UGGT2: variants seen among roughly 807,000 people sequenced by gnomAD.
UGGT2 encodes the protein UDP-glucose glycoprotein glucosyltransferase 2, also known as UDP-glucose:glycoprotein glucosyltransferase 2.
Under a neutral mutation model 192.1 loss-of-function variants are expected in UGGT2, and 180 were observed. The observed-to-expected ratio is 0.94, with a 90% CI of 0.83 to 1.06. UGGT2 has a LOEUF of 1.06. Ranked by LOEUF, UGGT2 falls within the 50% of genes least tolerant of loss-of-function variation. The pLI is 0.00. For synonymous variants in UGGT2, 580 were observed against 591.0 expected, an observed-to-expected ratio of 0.98 and a Z score of 0.27; for missense variants, 1,849 against 1,795.7, an observed-to-expected ratio of 1.03 and a Z score of -0.54.
intron 4 of UGGT2, among the ~76,000 whole-genome samples, chr13:96,019,256 A>T (rs1340061967): frequency 6.6e-6 from 1 of 151,170 alleles, no homozygotes; most frequent in Non-Finnish European, 1.5e-5. Context: ...GAGCTTGATT[A>T]CTTGTGGCAC....
In UGGT2 at chr13:95,927,113, A is replaced by C; in HGVS notation, c.2115T>G (p.Val705=). The change falls in exon 19 of 39, where the codon GTT becomes GTG. Residue 705 remains valine, a synonymous_variant. Coordinates refer to ENST00000376747, the MANE Select transcript of UGGT2 (RefSeq NM_020121.4). Reference sequence around the variant, plus strand: ...AGAAAAAGAAAGTAGAGAAATCTTCAACATCAGCAGTTACTGAAAAATTTC... The same window carrying C: ...AGAAAAAGAAAGTAGAGAAATCTTCCACATCAGCAGTTACTGAAAAATTTC... ...NLISTSVTAD[V]EDFSTFFFLD... is the part of the protein sequence containing the mutation. 6.2e-7 allele frequency: 1 copy of C among 1,610,362 alleles called. No homozygotes were observed. The highest frequency in any genetic ancestry group is 8.5e-7 in the Non-Finnish European group (1 of 1,179,084).
chr13:95,848,310 A>C (rs776948244), intron 36 of UGGT2, among the ~76,000 whole-genome samples: 5 of 152,200 alleles, frequency 3.3e-5, no homozygotes, highest in Non-Finnish European at 7.4e-5. Context: ...AGTGAAGTCC[A>C]GCTTATCAAT....
chr13:95,821,673 G>A (rs1478347965), intron 38 of UGGT2, among the ~76,000 whole-genome samples: 2 of 152,068 alleles, frequency 1.3e-5, no homozygotes, highest in Non-Finnish European at 2.9e-5. Context: ...TTTTTCCAGT[G>A]TTATTGTCTA....
chr13:95,983,933 G>A, intron 9 of UGGT2, 69 bp from the exon 10 acceptor site: 1 of 1,016,140 alleles, frequency 9.8e-7, no homozygotes, highest in Admixed American at 3.2e-5. Flanking sequence ...ATAACCCAAT[G>A]TAATCTAATA....
chr13:95,804,192 A>G (rs1207134496), intron 38 of UGGT2, among the ~76,000 whole-genome samples: 1 of 152,204 alleles, frequency 6.6e-6, no homozygotes, highest in Admixed American at 6.5e-5. Flanking sequence ...AGGACTAAGA[A>G]GACAATTCTA....
At chr13:95,808,910 C>T (rs1283662069) in intron 38 of UGGT2, among the ~76,000 whole-genome samples, 1 of 152,090 alleles carries the variant, frequency 6.6e-6, no homozygotes. Context: ...TACTAAAAAA[C>T]AACAAGGGAA....
At chr13:96,038,036 T>A (rs1594623559) in intron 1 of UGGT2, among the ~76,000 whole-genome samples, 2 of 152,180 alleles carry the variant, frequency 1.3e-5, no homozygotes, top group East Asian at 3.9e-4. Context: ...AAGGACCTCC[T>A]ACAATTTTGA....
intron 13 of UGGT2, 146 bp downstream of exon 13, chr13:95,949,189 T>A (rs2049979154): frequency 1.5e-6 from 1 of 665,304 alleles, no homozygotes; most frequent in African/African-American, 1.9e-5. Flanking sequence ...TGATACCCAG[T>A]CAGCCATGCC....
At chr13:95,817,669 C>CTGAA (rs1245372730) in intron 38 of UGGT2, among the ~76,000 whole-genome samples, 1 of 152,168 alleles carries the variant, frequency 6.6e-6, no homozygotes. Context: ...AAATAAAAGG[C>CTGAA]TGAAGACATG....
At chr13:95,982,850 G>C (rs181925158) in intron 10 of UGGT2, among the ~76,000 whole-genome samples, 1 of 152,292 alleles carries the variant, frequency 6.6e-6, no homozygotes, top group African/African-American at 2.4e-5. Context: ...ATGAGGCAAA[G>C]AATGTCCCAG....
At position 95,955,684 on chromosome 13, in the gene UGGT2, AG is replaced by A. The variant is rs374256537; in HGVS notation, c.1336-6231del. On this transcript the variant is annotated intron_variant, in intron 12 of 38. Coordinates refer to ENST00000376747, the MANE Select transcript of UGGT2 (RefSeq NM_020121.4). ...TCAACCAGGTACACATGGGCAGTAG[AG>A]GGTTTGGTTAGAGGGTCAAGCCTCC... Among the ~76,000 whole-genome samples the A allele has an allele frequency of 9.1e-4, 138 of 152,248 alleles. 1 individual carries two copies. The highest frequency in any genetic ancestry group is 3.2e-3 in the African/African-American group (131 of 41,564).
chr13:95,996,188 A>G, intron 6 of UGGT2, 53 bp from the exon 7 acceptor site: 1 of 1,499,460 alleles, frequency 6.7e-7, no homozygotes, highest in Non-Finnish European at 9.2e-7. Flanking sequence ...CAGACTGGGA[A>G]AAGAACATGT....
At chr13:96,047,061 A>C (rs916746682) in intron 1 of UGGT2, among the ~76,000 whole-genome samples, 4 of 152,206 alleles carry the variant, frequency 2.6e-5, no homozygotes, top group African/African-American at 9.6e-5. Context: ...TAACTGAACA[A>C]AAGGCAGCAG....
intron 22 of UGGT2, among the ~76,000 whole-genome samples, 172 bp from the exon 23 acceptor site, chr13:95,895,476 C>G (rs1447037007): frequency 6.6e-6 from 1 of 151,842 alleles, no homozygotes; most frequent in East Asian, 1.9e-4. Context: ...ACAAGATATA[C>G]TTTCTCACTT....
At chr13:95,960,093 TG>T (rs1441262632) in intron 12 of UGGT2, among the ~76,000 whole-genome samples, 1 of 152,126 alleles carries the variant, frequency 6.6e-6, no homozygotes, top group Non-Finnish European at 1.5e-5. Context: ...ACACCATAAA[TG>T]GTCAGGAAAA....
intron 31 of UGGT2, among the ~76,000 whole-genome samples, chr13:95,862,085 C>G (rs73556795): frequency 0.026 from 3,952 of 152,188 alleles, 171 homozygotes; most frequent in African/African-American, 0.091. Flanking sequence ...ATTTCATTAT[C>G]CCCTGTCAAA....
At position 96,053,352 on chromosome 13, in the gene UGGT2, CCA is replaced by C. The variant is rs143884967; in HGVS notation, c.-42_-41del. 2,386 of 1,563,946 alleles carry C rather than the reference CCA, an allele frequency of 1.5e-3. 39 individuals carry two copies. The African/African-American group carries it at 0.028, about 19-fold the overall frequency. On this transcript the variant is annotated 5_prime_UTR_variant, in exon 1 of 39. Coordinates refer to ENST00000376747, the MANE Select transcript of UGGT2 (RefSeq NM_020121.4). ...AGCGCGAGTCCCTCGGACCCGGTAC[CCA>C]CAGTCTGTGGCCGCCACGCTTCGGC... is the stretch of plus-strand genomic sequence containing the variant.
chr13:95,907,462 G>GTCCCTGA (rs4001567), intron 20 of UGGT2, among the ~76,000 whole-genome samples: 148,295 of 152,100 alleles, frequency 0.97, 72,425 homozygotes, highest in East Asian at 1. Context: ...CCTCAAGTGG[G>GTCCCTGA]TCCCCATGTA....
rs569311379 is a variant in UGGT2 at position 95,973,157 on chromosome 13, C to T, written c.1093-486G>A. Among the ~76,000 whole-genome samples the T allele has an allele frequency of 4.8e-4, 73 of 151,582 alleles. 1 individual carries two copies. In the East Asian group the frequency reaches 6.4e-3, roughly 13 times the overall value. ...TGCACTCCAGCCTGGGCAACAAGAACGAAACTCCATCTCAAAAAAATAAAT... is the reference window on the plus strand; with the variant it reads ...TGCACTCCAGCCTGGGCAACAAGAATGAAACTCCATCTCAAAAAAATAAAT... On this transcript the variant is annotated intron_variant, in intron 10 of 38. Transcript: ENST00000376747.
Sources: allele counts gnomAD v4.1 joint callset (sites outside exome capture counted in the v4.1 genomes callset), GRCh38; gene constraint gnomAD v4.1.1; transcripts MANE v1.5; gene names NCBI Gene and HGNC (gene_info 2026-07-23, HGNC 2026-07-21).